NRG4: variants seen among roughly 807,000 people sequenced by gnomAD.
The protein encoded by NRG4 is neuregulin 4, also known as pro-neuregulin-4, membrane-bound isoform.
NRG4 carries 10 observed loss-of-function variants against 15.0 expected under a neutral mutation model. The observed-to-expected ratio is 0.67, with a 90% confidence interval of 0.41 to 1.13. NRG4 has a LOEUF of 1.13. Ranked by LOEUF, NRG4 falls within the 50% of genes most tolerant of loss-of-function variation. The pLI is 0.00. For missense variants in NRG4, 139 were observed against 140.2 expected (o/e 0.99, Z 0.04); for synonymous variants, 41 against 50.1 (o/e 0.82, Z 0.77).
chr15:76,047,047 T>C (rs1291474769), intron 4 of NRG4, among the ~76,000 whole-genome samples: 26 of 150,770 alleles, frequency 1.7e-4, no homozygotes, highest in Admixed American at 1.5e-3. Flanking sequence ...ATGGTCAACA[T>C]GTGTATTAAA....
intron 3 of NRG4, among the ~76,000 whole-genome samples, chr15:76,008,413 C>T (rs1484071645): frequency 6.6e-6 from 1 of 152,106 alleles, no homozygotes; most frequent in Non-Finnish European, 1.5e-5. Context: ...GTAGCTAGAT[C>T]TTAAATCTAG....
At chr15:76,036,579 C>A (rs879542722) in intron 4 of NRG4, among the ~76,000 whole-genome samples, 3 of 152,166 alleles carry the variant, frequency 2.0e-5, no homozygotes, top group African/African-American at 4.8e-5. Flanking sequence ...GGAGAAAAAT[C>A]ATTGTGTCTA....
chr15:76,058,764 T>C (rs2036218100), intron 1 of NRG4, among the ~76,000 whole-genome samples: 1 of 152,182 alleles, frequency 6.6e-6, no homozygotes, highest in South Asian at 2.1e-4. Flanking sequence ...CGCAACACCC[T>C]ATAGGAAAAT....
chr15:75,981,502 G>A (rs1161579569), intron 3 of NRG4, among the ~76,000 whole-genome samples: 2 of 152,136 alleles, frequency 1.3e-5, no homozygotes, highest in African/African-American at 4.8e-5. Context: ...AGGTGTTTGT[G>A]TAACTAAAAA....
intron 3 of NRG4, among the ~76,000 whole-genome samples, chr15:76,004,338 C>T (rs999587915): frequency 1.3e-5 from 2 of 152,162 alleles, no homozygotes; most frequent in African/African-American, 4.8e-5. Context: ...CAGTGACTCA[C>T]ACCTGTAATC....
rs187977380 is a variant in NRG4 at position 76,034,154 on chromosome 15, C to T, written c.-57+1790G>A. On this transcript the variant is annotated intron_variant, in intron 5 of 8. Transcript: ENST00000563910. Reference sequence around the variant, plus strand: ...CTATCTGCTATATCAAGTGCAAATACGGCAATTCCTATCTGACCATCTGAA... The same window carrying T: ...CTATCTGCTATATCAAGTGCAAATATGGCAATTCCTATCTGACCATCTGAA... Among the ~76,000 whole-genome samples the T allele has an allele frequency of 1.5e-4, 23 of 152,292 alleles. No individual in the cohort carries two copies. The East Asian group carries it at 3.1e-3, about 20-fold the overall frequency.
intron 3 of NRG4, among the ~76,000 whole-genome samples, chr15:75,967,725 G>A (rs902187345): frequency 2.6e-5 from 4 of 152,108 alleles, no homozygotes; most frequent in Admixed American, 2.6e-4. Context: ...GCATCCCAAA[G>A]TGCTGGGATT....
At chr15:75,959,966 C>CA in intron 4 of NRG4, among the ~76,000 whole-genome samples, 1 of 152,122 alleles carries the variant, frequency 6.6e-6, no homozygotes, top group Admixed American at 6.5e-5. Context: ...CAGTTTGAGT[C>CA]CTTAAGTGAC....
At chr15:76,017,646 T>G (rs2035024788) in intron 5 of NRG4, among the ~76,000 whole-genome samples, 1 of 152,204 alleles carries the variant, frequency 6.6e-6, no homozygotes, top group African/African-American at 2.4e-5. Flanking sequence ...TTAAGAATGT[T>G]GAATATTGGC....
chr15:75,999,836 G>A (rs2034343209), intron 3 of NRG4, among the ~76,000 whole-genome samples: 2 of 152,118 alleles, frequency 1.3e-5, no homozygotes, highest in South Asian at 4.1e-4. Flanking sequence ...AGAAGTTCAA[G>A]ACCAGTATGG....
chr15:75,976,732 C>T (rs971931996), intron 3 of NRG4, among the ~76,000 whole-genome samples: 1 of 152,188 alleles, frequency 6.6e-6, no homozygotes, highest in African/African-American at 2.4e-5. Flanking sequence ...CCGCCAGATG[C>T]CAGCCAGAGG....
downstream of NRG4, chr15:75,940,717 G>A (rs1442706490): frequency 1.3e-5 from 2 of 152,028 alleles, no homozygotes; most frequent in African/African-American, 2.4e-5. Context: ...TTTGACAAGG[G>A]TGCCAAGGCT....
intron 4 of NRG4, among the ~76,000 whole-genome samples, chr15:76,050,451 T>C (rs2035971603): frequency 6.9e-6 from 1 of 143,946 alleles, no homozygotes; most frequent in African/African-American, 2.7e-5. Context: ...TTTTTTTTTT[T>C]TTTTTTTTGA....
intron 4 of NRG4, among the ~76,000 whole-genome samples, chr15:76,045,901 T>C (rs1233760660): frequency 6.6e-6 from 1 of 150,918 alleles, no homozygotes; most frequent in Non-Finnish European, 1.5e-5. Context: ...TAAAAAATAA[T>C]GTAATTGTAC....
chr15:76,025,205 T>G (rs1205079053), intron 5 of NRG4, among the ~76,000 whole-genome samples: 1 of 151,596 alleles, frequency 6.6e-6, no homozygotes, highest in Non-Finnish European at 1.5e-5. Flanking sequence ...TTTGGGAGGC[T>G]GAGGCAGGTG....
At chr15:76,022,151 G>A (rs775679249) in intron 5 of NRG4, among the ~76,000 whole-genome samples, 1 of 152,174 alleles carries the variant, frequency 6.6e-6, no homozygotes, top group Non-Finnish European at 1.5e-5. Context: ...GTACTGGTCT[G>A]TGGCCCGGGT....
In NRG4 at chr15:75,977,000, G is replaced by C. The variant is rs983874029; in HGVS notation, c.105-15026C>G. 3.3e-5 allele frequency among the ~76,000 whole-genome samples: 5 copies of C among 152,194 alleles called. No homozygotes were observed. The East Asian group carries it at 9.7e-4, about 29-fold the overall frequency. On this transcript the variant is annotated intron_variant, in intron 3 of 5. Coordinates refer to ENST00000394907, the MANE Select transcript of NRG4 (RefSeq NM_138573.4). ...TATCTGTAAGTCCCTGACTGGGGCT[G>C]CTGCCTTTCTTTCAGAGATGCCCTG...
At chr15:75,991,443 C>T (rs922960934) in intron 3 of NRG4, among the ~76,000 whole-genome samples, 1 of 152,182 alleles carries the variant, frequency 6.6e-6, no homozygotes, top group Non-Finnish European at 1.5e-5. Context: ...GTTTGCTGAT[C>T]TTTGCCCTAT....
At chr15:75,965,595 A>G (rs1465145814) in intron 3 of NRG4, among the ~76,000 whole-genome samples, 2 of 152,230 alleles carry the variant, frequency 1.3e-5, no homozygotes, top group Admixed American at 1.3e-4. Flanking sequence ...GCTAACCTAA[A>G]AATGAATTTT....
Sources: allele counts gnomAD v4.1 joint callset (sites outside exome capture counted in the v4.1 genomes callset), GRCh38; gene constraint gnomAD v4.1.1; transcripts MANE v1.5; gene names NCBI Gene and HGNC (gene_info 2026-07-23, HGNC 2026-07-21).